Variants in RC3H2 observed in about 807,000 individuals in gnomAD.
RC3H2 encodes ring finger and CCCH-type domains 2.
A neutral mutation model predicts 133.3 loss-of-function variants in RC3H2; 31 were observed. The ratio of observed to expected loss-of-function variants is 0.23; its 90% confidence interval spans 0.17 to 0.31. The LOEUF (loss-of-function observed/expected upper bound fraction) is 0.31, where lower values mean the gene tolerates loss of function less well. Among genes scored for constraint, RC3H2 ranks in the 10% least tolerant of loss-of-function variants. The pLI, the probability that RC3H2 is intolerant of heterozygous loss-of-function variation, is 1.00. For missense variants in RC3H2, 1,175 were observed against 1,437.2 expected (o/e 0.82, Z 2.95); for synonymous variants, 517 against 502.2 (o/e 1.03, Z -0.40).
At position 122,845,468 on chromosome 9, in the gene RC3H2, C is replaced by CATA. The variant is rs1564275917; in HGVS notation, c.*4158_*4159insTAT. 2.0e-5 allele frequency: 3 copies of CATA among 152,100 alleles called. No homozygotes were observed. The highest frequency in any genetic ancestry group is 2.9e-5 in the Non-Finnish European group (2 of 68,028). 9.4% of individuals were successfully genotyped at this position (152,100 alleles called of 1,614,324 possible). A position where few individuals can be genotyped will look rare whatever the true frequency, so the allele number is the denominator to read the frequency against. Reference sequence around the variant, plus strand: ...GGTTGATGGAATATGTGCAAATGACCTTGGCTTTTGGCAGTACTAAGTGCA... The same window carrying CATA: ...GGTTGATGGAATATGTGCAAATGACCATATTGGCTTTTGGCAGTACTAAGTGCA... On this transcript the variant is annotated 3_prime_UTR_variant, in exon 21 of 21. Transcript: ENST00000357244.
Position 122,897,547 on chromosome 9 carries a change from T to A in RC3H2, c.-38A>T. 1 of 1,586,350 alleles carries A rather than the reference T, an allele frequency of 6.3e-7. No homozygotes were observed. The highest frequency in any genetic ancestry group is 8.6e-7 in the Non-Finnish European group (1 of 1,163,376). On this transcript the variant is annotated 5_prime_UTR_variant, in exon 2 of 21. Coordinates refer to ENST00000357244, the MANE Select transcript of RC3H2 (RefSeq NM_001100588.3). ...ATGCTCGGGTTAGCAGTCTAGCAGA[T>A]CATTATTTTGCTGTGTAGTGTTTTG...
Position 122,861,523 on chromosome 9 carries a change from A to AC in RC3H2, c.1635-1393dup, listed in dbSNP as rs397695861. ...AAAAAAAAAAAAGAAAAGAAAAAAA[A>AC]CCATATATATATGGCCAAAGCTTAG... On this transcript the variant is annotated intron_variant, in intron 10 of 20. Coordinates refer to ENST00000357244, the MANE Select transcript of RC3H2 (RefSeq NM_001100588.3). Among the ~76,000 whole-genome samples, 13 of 150,112 alleles carry AC rather than the reference A, an allele frequency of 8.7e-5. 1 individual carries two copies. The highest frequency in any genetic ancestry group is 2.1e-4 in the South Asian group (1 of 4,764).
chr9:122,855,103 ACT>A (rs1830191008), intron 15 of RC3H2, 79 bp downstream of exon 15: 1 of 1,097,528 alleles, frequency 9.1e-7, no homozygotes, highest in Non-Finnish European at 1.3e-6. Flanking sequence ...ACAGAGTGAG[ACT>A]CTGTCTCAAT....
At chr9:122,859,840 C>A (rs1830389822) in intron 11 of RC3H2, 77 bp downstream of exon 11, 2 of 1,181,034 alleles carry the variant, frequency 1.7e-6, no homozygotes, top group Admixed American at 4.1e-5. Context: ...TAAATGTAGA[C>A]ATTCTAGAAC....
intron 8 of RC3H2, among the ~76,000 whole-genome samples, chr9:122,878,568 C>A (rs941848004): frequency 2.0e-5 from 3 of 152,048 alleles, no homozygotes; most frequent in Admixed American, 6.6e-5. Context: ...CCGCGCCCAG[C>A]CCCCTGACAG....
At chr9:122,881,716 G>A (rs542047888) in intron 5 of RC3H2, among the ~76,000 whole-genome samples, 1 of 152,282 alleles carries the variant, frequency 6.6e-6, no homozygotes, top group South Asian at 2.1e-4. Context: ...CTGGAGTGCA[G>A]TGGCACAATC....
intron 4 of RC3H2, among the ~76,000 whole-genome samples, chr9:122,884,141 A>C (rs1432171084): frequency 1.3e-5 from 2 of 152,048 alleles, no homozygotes; most frequent in African/African-American, 2.4e-5. Context: ...AAAAATACAA[A>C]AATTAGCTGG....
Position 122,846,437 on chromosome 9 carries a change from T to C in RC3H2, c.*3190A>G, listed in dbSNP as rs1018206797. On this transcript the variant is annotated 3_prime_UTR_variant, in exon 21 of 21. Transcript: ENST00000357244. ...ACGTGGCAGCAAAGGCAAGGGAATC[T>C]GCTTTGTTCAGGTACCAACTAGAAA... 1 of 152,190 alleles carries C rather than the reference T, an allele frequency of 6.6e-6. No individual in the cohort carries two copies. Among genetic ancestry groups the C allele is most frequent in the African/African-American group, 2.4e-5 (1 of 41,444 alleles). 9.4% of individuals were successfully genotyped at this position (152,190 alleles called of 1,614,324 possible).
At chr9:122,880,370 T>C in intron 6 of RC3H2, 1 of 728,890 alleles carries the variant, frequency 1.4e-6, no homozygotes, top group Middle Eastern at 3.8e-4. Flanking sequence ...TTTGAGACTT[T>C]GTAAGCCTCA....
intron 4 of RC3H2, among the ~76,000 whole-genome samples, chr9:122,889,756 T>C (rs1214395960): frequency 6.6e-6 from 1 of 152,240 alleles, no homozygotes; most frequent in Non-Finnish European, 1.5e-5. Context: ...GTAGCTATAT[T>C]GCCTATCTTG....
intron 2 of RC3H2, among the ~76,000 whole-genome samples, chr9:122,894,545 T>A (rs1238864820): frequency 6.6e-6 from 1 of 152,078 alleles, no homozygotes; most frequent in Non-Finnish European, 1.5e-5. Context: ...GTGGTCAGGA[T>A]TGGCTCCCTT....
Position 122,851,211 on chromosome 9 carries a change from G to A in RC3H2, c.3250C>T (p.Leu1084Phe). The change falls in exon 20 of 21, where the codon CTT becomes TTT. Residue 1084 changes from leucine to phenylalanine, a missense_variant. By Grantham distance (22) the Leu-to-Phe change is conservative (BLOSUM62 0). This residue lies in a region of RC3H2 where 220 missense variants were observed against 201.1 expected (regional missense o/e 1.09). Coordinates refer to ENST00000357244, the MANE Select transcript of RC3H2 (RefSeq NM_001100588.3). ...TGATCATTTTGAGAACTGATACCAA[G>A]CTGTATGTCCAAGATCTCCTAAGAA... ...EPIEEILDIQ[L>F]GISSQNDQLL... is the part of the protein sequence containing the mutation. The A allele has an allele frequency of 6.2e-7, 1 of 1,614,028 alleles. No homozygotes were observed. Among genetic ancestry groups the A allele is most frequent in the East Asian group, 2.2e-5 (1 of 44,876 alleles).
Position 122,894,188 on chromosome 9 carries a change from G to A in RC3H2, c.232-1162C>T, listed in dbSNP as rs565410588. On this transcript the variant is annotated intron_variant, in intron 2 of 20. Coordinates refer to ENST00000357244, the MANE Select transcript of RC3H2 (RefSeq NM_001100588.3). ...GCAGGAGAATGCCGTGAACCTGGGA[G>A]GCAGAGCTTGCAGTGAGCCGAGATC... Among the ~76,000 whole-genome samples, 4 of 152,132 alleles carry A rather than the reference G, an allele frequency of 2.6e-5. No individual in the cohort carries two copies. In the South Asian group the frequency reaches 6.2e-4, roughly 24 times the overall value.
Position 122,855,613 on chromosome 9 carries a change from C to A in RC3H2, c.2601+119G>T, listed in dbSNP as rs1032342555. Reference sequence around the variant, plus strand: ...TCAGACTTACCTAAATATAACCCTGCTGCTACTGAGTTATAAGGCAACAAT... The same window carrying A: ...TCAGACTTACCTAAATATAACCCTGATGCTACTGAGTTATAAGGCAACAAT... On this transcript the variant is annotated intron_variant, in intron 14 of 20. Coordinates refer to ENST00000357244, the MANE Select transcript of RC3H2 (RefSeq NM_001100588.3). 8 of 1,147,858 alleles carry A rather than the reference C, an allele frequency of 7.0e-6. No homozygotes were observed. The African/African-American group carries it at 1.2e-4, about 18-fold the overall frequency. The allele number at this position is 1,147,858 out of a possible 1,614,324, so 71.1% of individuals were successfully genotyped here.
At chr9:122,883,523 G>A (rs16912287) in intron 4 of RC3H2, 144 bp from the exon 5 acceptor site, 333 of 531,846 alleles carry the variant, frequency 6.3e-4, no homozygotes, top group Non-Finnish European at 9.1e-4. Context: ...GACATCACAC[G>A]TACATAATTT....
chr9:122,877,638 T>C (rs1274987192), intron 8 of RC3H2, 55 bp from the exon 9 acceptor site: 9 of 1,354,600 alleles, frequency 6.6e-6, no homozygotes, highest in Non-Finnish European at 8.5e-6. Context: ...CCATTTGTTA[T>C]TCACTCTAGG....
At chr9:122,899,442 G>T (rs1393170504) in intron 1 of RC3H2, among the ~76,000 whole-genome samples, 2 of 152,100 alleles carry the variant, frequency 1.3e-5, no homozygotes, top group Non-Finnish European at 2.9e-5. Flanking sequence ...TGGTAAAAAT[G>T]AATTACAGGG....
Position 122,851,070 on chromosome 9 carries a change from C to G in RC3H2, c.3380+11G>C, listed in dbSNP as rs367977566. ...TGCCCACTGTTTATGAATTTTCTGT[C>G]TAACACTCACAGAATCACATGGTCT... On this transcript the variant is annotated intron_variant, in intron 20 of 20. Transcript: ENST00000357244. 5.0e-6 allele frequency: 8 copies of G among 1,613,620 alleles called. No individual in the cohort carries two copies. Among genetic ancestry groups the G allele is most frequent in the Non-Finnish European group, 5.9e-6 (7 of 1,179,846 alleles).
chr9:122,876,408 G>A lies in RC3H2; in HGVS notation c.1325+1063C>T, dbSNP rs185122116. ...TTTGGGAGGCCAAGGCAGGCAGATC[G>A]CTTGAGGTCAGGAGTTTGAGACCCG... On this transcript the variant is annotated intron_variant, in intron 9 of 20. Coordinates refer to ENST00000357244, the MANE Select transcript of RC3H2 (RefSeq NM_001100588.3). Among the ~76,000 whole-genome samples the A allele has an allele frequency of 8.1e-4, 124 of 152,152 alleles. 2 individuals carry two copies. In the East Asian group the frequency reaches 0.013, roughly 16 times the overall value.
Sources: allele counts gnomAD v4.1 joint callset (sites outside exome capture counted in the v4.1 genomes callset), GRCh38; gene constraint gnomAD v4.1.1; regional missense constraint gnomAD v4.1.1; transcripts MANE v1.5; gene names NCBI Gene and HGNC (gene_info 2026-07-23, HGNC 2026-07-21).